OPA1: variants seen among roughly 807,000 people sequenced by gnomAD.
The protein encoded by OPA1 is dynamin-like GTPase OPA1, mitochondrial.
In OPA1, 59 loss-of-function variants were observed where a neutral mutation model predicts 152.9. The ratio of observed to expected loss-of-function variants is 0.39; its 90% CI spans 0.31 to 0.48. The LOEUF (loss-of-function observed/expected upper bound fraction) is 0.48, where lower values mean the gene tolerates loss of function less well. Ranked by LOEUF, OPA1 falls within the 20% of genes least tolerant of loss-of-function variation. The pLI is 0.96. For missense variants in OPA1, 1,008 were observed against 1,216.8 expected (o/e 0.83, Z 2.55); for synonymous variants, 400 against 389.9 (o/e 1.03, Z -0.31).
rs374698762 is a variant in OPA1, at chr3:193,610,889, G to A, written c.33-3834G>A. 6.6e-5 allele frequency among the ~76,000 whole-genome samples: 10 copies of A among 152,352 alleles called. No individual in the cohort carries two copies. The East Asian group carries it at 7.7e-4, about 12-fold the overall frequency. On this transcript the variant is annotated intron_variant, in intron 1 of 30. Transcript: ENST00000361510. ...TGTTTGCTAAGACCATCGGAAAAGC[G>A]CAGTATTAGGGTGGGAGTGACCCAA...
intron 1 of OPA1, among the ~76,000 whole-genome samples, chr3:193,611,595 T>G (rs1577146078): frequency 2.4e-5 from 1 of 41,200 alleles, no homozygotes; most frequent in Non-Finnish European, 4.4e-5. Flanking sequence ...AGACTCCACC[T>G]CAAAAAAAAA....
chr3:193,624,624 T>C (rs572093422), intron 6 of OPA1, among the ~76,000 whole-genome samples: 14 of 152,290 alleles, frequency 9.2e-5, no homozygotes, highest in East Asian at 5.8e-4. Flanking sequence ...ATAAAACTGA[T>C]TTATTTAAAG....
At position 193,644,093 on chromosome 3, in the gene OPA1, C is replaced by T. The variant is rs1347683769; in HGVS notation, c.1596C>T (p.Ala532=). 3.1e-6 allele frequency: 5 copies of T among 1,613,448 alleles called. No homozygotes were observed. Among genetic ancestry groups the T allele is most frequent in the African/African-American group, 1.3e-5 (1 of 74,904 alleles). ...TAGACCTGGCAGAGAAAAATGTAGC[C>T]AGTCCAAGCAGGGTGAGGTCAAATT... The part of the protein sequence containing the change: ...TKVDLAEKNV[A]SPSRIQQIIE... The change falls in exon 16 of 31, where the codon GCC becomes GCT. Residue 532 remains alanine, a synonymous_variant. Coordinates refer to ENST00000361510, the MANE Select transcript of OPA1 (RefSeq NM_130837.3).
intron 30 of OPA1, among the ~76,000 whole-genome samples, chr3:193,694,237 C>G (rs1002398547): frequency 6.6e-6 from 1 of 152,160 alleles, no homozygotes; most frequent in Non-Finnish European, 1.5e-5. Flanking sequence ...AGAATGGTAA[C>G]CTTGCTTCAT....
At chr3:193,599,982 C>T (rs955703505) in intron 1 of OPA1, among the ~76,000 whole-genome samples, 1 of 152,236 alleles carries the variant, frequency 6.6e-6, no homozygotes, top group Non-Finnish European at 1.5e-5. Context: ...ACTCAGCAGT[C>T]TATGAGTGGT....
intron 29 of OPA1, chr3:193,689,186 T>G (rs1411124056): frequency 6.6e-6 from 1 of 152,246 alleles, no homozygotes; most frequent in Non-Finnish European, 1.5e-5. Context: ...ATATCATCTG[T>G]GTCCTCATAT....
intron 29 of OPA1, among the ~76,000 whole-genome samples, chr3:193,678,788 C>G (rs535380539): frequency 1.4e-4 from 21 of 152,170 alleles, no homozygotes; most frequent in African/African-American, 5.1e-4. Flanking sequence ...CCTTTGTGTG[C>G]TTGTGTATTC....
Position 193,618,870 on chromosome 3 carries a change from T to C in OPA1, c.612T>C (p.Gly204=), listed in dbSNP as rs1412709307. 1 of 1,612,924 alleles carries C rather than the reference T, an allele frequency of 6.2e-7. No homozygotes were observed. The highest frequency in any genetic ancestry group is 8.5e-7 in the Non-Finnish European group (1 of 1,178,924). The part of the protein sequence containing the change: ...IGASDLLLLL[G]SPEETAFRAT... ...AAGGGTTGCATATTTATCTTTAAGG[T>C]TCTCCGGAAGAAACGGCGTTTAGAG... The change falls in exon 6 of 31, where the codon GGT becomes GGC. Residue 204 remains glycine, a splice_region_variant and synonymous_variant. Coordinates refer to ENST00000361510, the MANE Select transcript of OPA1 (RefSeq NM_130837.3).
intron 29 of OPA1, among the ~76,000 whole-genome samples, chr3:193,667,910 T>C (rs1306716511): frequency 1.3e-5 from 2 of 152,134 alleles, no homozygotes; most frequent in Non-Finnish European, 2.9e-5. Flanking sequence ...CCAGGCTCAA[T>C]ACCTGACCCA....
intron 29 of OPA1, among the ~76,000 whole-genome samples, chr3:193,673,809 CAG>C: frequency 6.6e-6 from 1 of 152,298 alleles, no homozygotes; most frequent in Middle Eastern, 3.4e-3. Flanking sequence ...AATGTGAAAA[CAG>C]TGGTAAATTC....
chr3:193,673,974 TCC>T, intron 29 of OPA1, among the ~76,000 whole-genome samples: 1 of 152,354 alleles, frequency 6.6e-6, no homozygotes, highest in Middle Eastern at 3.4e-3. Flanking sequence ...CTCTGCTGAC[TCC>T]CTACGCGAGG....
At position 193,695,149 on chromosome 3, in the gene OPA1, C is replaced by T. The variant is rs946981703; in HGVS notation, c.*549C>T. The T allele has an allele frequency of 3.3e-5, 5 of 152,078 alleles. No individual in the cohort carries two copies. The highest frequency in any genetic ancestry group is 5.9e-5 in the Non-Finnish European group (4 of 67,994). 9.4% of individuals were successfully genotyped at this position (152,078 alleles called of 1,614,324 possible). A position where few individuals can be genotyped will look rare whatever the true frequency, so the allele number is the denominator to read the frequency against. ...CACCACATGAAAGAAAAATGGGTAA[C>T]AGAAGAACCCTTAAAACAGGTTAAT... On this transcript the variant is annotated 3_prime_UTR_variant, in exon 31 of 31. Transcript: ENST00000361510.
At chr3:193,618,791 G>C in intron 5 of OPA1, 78 bp from the exon 6 acceptor site, 1 of 1,137,246 alleles carries the variant, frequency 8.8e-7, no homozygotes, top group African/African-American at 1.5e-5. Context: ...CCTTTTCATT[G>C]ACTCGATGTA....
At position 193,643,062 on chromosome 3, in the gene OPA1, A is replaced by G; in HGVS notation, c.1305+13A>G. The G allele has an allele frequency of 6.3e-7, 1 of 1,596,762 alleles. No homozygotes were observed. The highest frequency in any genetic ancestry group is 2.2e-5 in the East Asian group (1 of 44,764). On this transcript the variant is annotated intron_variant, in intron 13 of 30. Transcript: ENST00000361510. Reference sequence around the variant, plus strand: ...CGTTAGCCCTGAGGTAAGGGTTGCAATTCATTTCAGTGACGTTTTATGGAA... The same window carrying G: ...CGTTAGCCCTGAGGTAAGGGTTGCAGTTCATTTCAGTGACGTTTTATGGAA...
chr3:193,596,359 T>G (rs1475876797), intron 1 of OPA1, among the ~76,000 whole-genome samples: 6 of 138,050 alleles, frequency 4.3e-5, no homozygotes, highest in Admixed American at 7.9e-5. Flanking sequence ...TTCTTTTCTT[T>G]TCTTAATTTT....
chr3:193,677,464 G>T (rs1403443559), intron 29 of OPA1, among the ~76,000 whole-genome samples: 1 of 151,502 alleles, frequency 6.6e-6, no homozygotes, highest in African/African-American at 2.4e-5. Context: ...TTATGTTTTT[G>T]CATATTTGAT....
intron 29 of OPA1, among the ~76,000 whole-genome samples, chr3:193,685,637 C>T (rs1720836900): frequency 6.6e-6 from 1 of 151,872 alleles, no homozygotes; most frequent in African/African-American, 2.4e-5. Flanking sequence ...CATTAATGCT[C>T]AGAAAAAATA....
intron 29 of OPA1, among the ~76,000 whole-genome samples, chr3:193,680,880 T>C (rs1720023640): frequency 6.6e-6 from 1 of 152,178 alleles, no homozygotes; most frequent in Non-Finnish European, 1.5e-5. Context: ...AAGCCATGTA[T>C]CATTAATGAG....
chr3:193,654,029 C>G (rs569247145), intron 21 of OPA1, among the ~76,000 whole-genome samples: 4 of 152,176 alleles, frequency 2.6e-5, no homozygotes, highest in Admixed American at 2.6e-4. Context: ...ACATTCCACT[C>G]TTAGGTATTT....
Sources: gnomAD v4.1 joint callset for allele counts (sites outside exome capture counted in the v4.1 genomes callset) on GRCh38, gnomAD v4.1.1 for gene constraint, MANE v1.5 for transcripts, NCBI Gene and HGNC (gene_info 2026-07-23, HGNC 2026-07-21) for gene names.